The following FADS1 variants were observed in gnomAD, a reference collection of about 807,000 sequenced individuals.
The protein encoded by FADS1 is acyl-CoA (8-3)-desaturase.
A neutral mutation model predicts 61.6 loss-of-function variants in FADS1; 17 were observed. The observed-to-expected ratio is 0.28, with a 90% CI of 0.19 to 0.41. The LOEUF (loss-of-function observed/expected upper bound fraction) is 0.41, where lower values mean the gene tolerates loss of function less well. FADS1 is among the 10% of genes least tolerant of loss of function. The pLI is 1.00. For synonymous variants in FADS1, 238 were observed against 258.7 expected (o/e 0.92, Z 0.77); for missense variants, 387 against 650.9 (o/e 0.59, Z 4.41).
At position 61,806,701 on chromosome 11, in the gene FADS1, A is replaced by G. The variant is rs776271445; in HGVS notation, c.939T>C (p.Tyr313=). The G allele has an allele frequency of 6.2e-7, 1 of 1,614,154 alleles. No individual in the cohort carries two copies. The highest frequency in any genetic ancestry group is 8.5e-7 in the Non-Finnish European group (1 of 1,180,000). The change falls in exon 6 of 12, where the codon TAT becomes TAC. Residue 313 remains tyrosine (Y), a synonymous_variant. Coordinates refer to ENST00000350997, the MANE Select transcript of FADS1 (RefSeq NM_013402.7). ...ATTTGTGCTGGTGGTTGTACGGCAT[A>G]TATTTTTTCTTCTGTTTCCCAAGCT... ...SVELGKQKKK[Y]MPYNHQHKYF...
intron 5 of FADS1, 114 bp downstream of exon 5, chr11:61,810,637 C>T: frequency 7.3e-7 from 1 of 1,379,122 alleles, no homozygotes; most frequent in Non-Finnish European, 1.0e-6. Context: ...AAGCCCCAGC[C>T]AGCCCAGCCC....
rs993807067 is a variant in FADS1 at position 61,799,860 on chromosome 11, T to G, written c.*2551A>C. ...GCAGCTTTTCCTCTCTAAGCCTATT[T>G]TATATCTGTCAGTGGATTTGAGATC... is the stretch of plus-strand genomic sequence containing the variant. On this transcript the variant is annotated 3_prime_UTR_variant, in exon 12 of 12. Coordinates refer to ENST00000350997, the MANE Select transcript of FADS1 (RefSeq NM_013402.7). The G allele has an allele frequency of 1.3e-5, 2 of 152,800 alleles. No individual in the cohort carries two copies. The highest frequency in any genetic ancestry group is 4.8e-5 in the African/African-American group (2 of 41,458). 9.5% of individuals were successfully genotyped at this position (152,800 alleles called of 1,614,324 possible).
chr11:61,813,282 T>C lies in FADS1; in HGVS notation c.447A>G (p.Glu149=), dbSNP rs768048192. The C allele has an allele frequency of 6.2e-7, 1 of 1,612,474 alleles. No individual in the cohort carries two copies. The highest frequency in any genetic ancestry group is 1.1e-5 in the South Asian group (1 of 91,032). ...CAAAGCTGGGCTGCTCTGGAGACAG[T>C]TCTCCAATCAGGAGAGAGTTCATAT... is the stretch of plus-strand genomic sequence containing the variant. ...KKYMNSLLIG[E]LSPEQPSFEP... Residue 149 remains glutamate, a synonymous_variant, in exon 2 of 12, where the codon GAA becomes GAG. Transcript: ENST00000350997.
chr11:61,804,426 A>G (rs996579707), intron 7 of FADS1: 5 of 443,502 alleles, frequency 1.1e-5, no homozygotes, highest in African/African-American at 6.0e-5. Context: ...CCCATTCCCA[A>G]CTCAGCCCCC....
intron 5 of FADS1, among the ~76,000 whole-genome samples, chr11:61,807,963 CT>C (rs2066905247): frequency 6.6e-6 from 1 of 152,194 alleles, no homozygotes; most frequent in African/African-American, 2.4e-5. Flanking sequence ...GTTCTAGATG[CT>C]TAGGATACAG....
rs1288507388 is a variant in FADS1, at chr11:61,811,894, TATTTTTAGTAGA to T, written c.684+565_684+576del. On this transcript the variant is annotated intron_variant, in intron 3 of 11. Transcript: ENST00000350997. ...TGAGCCACTGTGCCTGGCCTTTTTG[TATTTTTAGTAGA>T]GGTTTCACCACGTTGGCCAGGCTGG... is the stretch of plus-strand genomic sequence containing the variant. 6.8e-6 allele frequency: 3 copies of T among 439,152 alleles called. No individual in the cohort carries two copies. The East Asian group carries it at 2.2e-4, about 32-fold the overall frequency. 27.2% of individuals were successfully genotyped at this position (439,152 alleles called of 1,614,324 possible).
In FADS1 at chr11:61,802,179, C is replaced by T. The variant is rs530410253; in HGVS notation, c.*232G>A. On this transcript the variant is annotated 3_prime_UTR_variant, in exon 12 of 12. Coordinates refer to ENST00000350997, the MANE Select transcript of FADS1 (RefSeq NM_013402.7). The surrounding 1 kb of genome is among the most constrained non-coding windows in gnomAD (Gnocchi z 4.2). The stretch of plus-strand genomic sequence containing the variant: ...AACTAGAAAAAGGAAATAATTTACA[C>T]CCCTGCCCCAACAGCTCCTTCCCTC... The T allele has an allele frequency of 8.4e-5, 47 of 560,588 alleles. No homozygotes were observed. Among genetic ancestry groups the T allele is most frequent in the Non-Finnish European group, 1.4e-4 (44 of 312,484 alleles). The allele number at this position is 560,588 out of a possible 1,614,324, so 34.7% of individuals were successfully genotyped here.
intron 1 of FADS1, 39 bp from the exon 2 acceptor site, chr11:61,813,392 G>C: frequency 7.9e-7 from 1 of 1,266,982 alleles, no homozygotes; most frequent in Non-Finnish European, 1.2e-6. Context: ...GAGGGAGCCA[G>C]CCCCCTGGAC....
Position 61,808,164 on chromosome 11 carries a change from C to T in FADS1, c.916-1440G>A, listed in dbSNP as rs548954234. On this transcript the variant is annotated intron_variant, in intron 5 of 11. Coordinates refer to ENST00000350997, the MANE Select transcript of FADS1 (RefSeq NM_013402.7). Reference sequence around the variant, plus strand: ...CAACCTGGGCAACATGGTGAAACCACGTCCCTACTAAAAGCACAAAAATTA... The same window carrying T: ...CAACCTGGGCAACATGGTGAAACCATGTCCCTACTAAAAGCACAAAAATTA... Among the ~76,000 whole-genome samples, 11 of 152,240 alleles carry T rather than the reference C, an allele frequency of 7.2e-5. No individual in the cohort carries two copies. The South Asian group carries it at 1.7e-3, about 23-fold the overall frequency.
At position 61,816,865 on chromosome 11, in the gene FADS1, C is replaced by T; in HGVS notation, c.65G>A (p.Arg22Gln). 12 of 1,478,668 alleles carry T rather than the reference C, an allele frequency of 8.1e-6. No individual in the cohort carries two copies. The highest frequency in any genetic ancestry group is 9.8e-6 in the Non-Finnish European group (11 of 1,125,498). The allele number at this position is 1,478,668 out of a possible 1,614,324, so 91.6% of individuals were successfully genotyped here. The change falls in exon 1 of 12, where the codon CGG becomes CAG. Residue 22 changes from arginine (R) to glutamine (Q), a missense_variant. By Grantham distance (43) the Arg-to-Gln change is conservative (BLOSUM62 1). Transcript: ENST00000350997. This position sits in a 1 kb window ranked among gnomAD's most constrained non-coding sequence, Gnocchi z 7.0. The part of the protein sequence containing the change: ...PCGAENPARR[R>Q]LALGARQQIH... ...TTGCTGGCGCGCGCCCAGAGCCAGC[C>T]GCCTGCGCGCCGGGTTTTCAGCACC... is the stretch of plus-strand genomic sequence containing the variant.
chr11:61,805,096 C>A (rs769552522), intron 6 of FADS1: 1 of 451,588 alleles, frequency 2.2e-6, no homozygotes, highest in Non-Finnish European at 3.9e-6. Flanking sequence ...TTTCATTTTT[C>A]TTCTCTTTTC....
chr11:61,816,651 T>G lies in FADS1; in HGVS notation c.279A>C (p.Leu93=). The G allele has an allele frequency of 6.2e-7, 1 of 1,602,158 alleles. No homozygotes were observed. Among genetic ancestry groups the G allele is most frequent in the Non-Finnish European group, 8.5e-7 (1 of 1,175,230 alleles). ...TGTTGTACACCTTACGGTCGATCAC[T>G]AGCCACCGCTCCTCGCACCCTGAGC... is the stretch of plus-strand genomic sequence containing the variant. The part of the protein sequence containing the change: ...AQRSGCEERW[L]VIDRKVYNIS... Residue 93 remains leucine, a synonymous_variant, in exon 1 of 12, where the codon CTA becomes CTC. Coordinates refer to ENST00000350997, the MANE Select transcript of FADS1 (RefSeq NM_013402.7). This position sits in a 1 kb window ranked among gnomAD's most constrained non-coding sequence, Gnocchi z 7.0.
At chr11:61,807,268 A>G (rs1206195221) in intron 5 of FADS1, among the ~76,000 whole-genome samples, 1 of 151,990 alleles carries the variant, frequency 6.6e-6, no homozygotes, top group Admixed American at 6.5e-5. Context: ...GGGTTTCTCC[A>G]TGTTGTTCAG....
At position 61,803,005 on chromosome 11, in the gene FADS1, C is replaced by T. The variant is rs1317112778; in HGVS notation, c.1328+27G>A. 2 of 1,613,798 alleles carry T rather than the reference C, an allele frequency of 1.2e-6. No individual in the cohort carries two copies. On this transcript the variant is annotated intron_variant, in intron 10 of 11. Coordinates refer to ENST00000350997, the MANE Select transcript of FADS1 (RefSeq NM_013402.7). This position sits in a 1 kb window ranked among gnomAD's most constrained non-coding sequence, Gnocchi z 4.3. ...CCCAACACTTACACCCTCCCCAGGACCCTGCTTCCCCAGGCTCCCTACTCA... is the reference window on the plus strand; with the variant it reads ...CCCAACACTTACACCCTCCCCAGGATCCTGCTTCCCCAGGCTCCCTACTCA...
chr11:61,810,805 T>TG lies in FADS1; in HGVS notation c.860dup (p.Asp288ArgfsTer118). On this transcript the variant is annotated frameshift_variant, in exon 5 of 12. Transcript: ENST00000350997. LOFTEE classifies it high-confidence loss of function. ...AGAAGAAGGGATGCATGTTGATGTC[T>TG]GGGTCTTTGCGGAAGCAGTTGGGCT... The TG allele has an allele frequency of 6.2e-7, 1 of 1,614,204 alleles. No homozygotes were observed. Among genetic ancestry groups the TG allele is most frequent in the South Asian group, 1.1e-5 (1 of 91,084 alleles).
At chr11:61,807,226 G>A (rs2066900338) in intron 5 of FADS1, among the ~76,000 whole-genome samples, 3 of 152,242 alleles carry the variant, frequency 2.0e-5, no homozygotes, top group South Asian at 2.1e-4. Context: ...GTGCCTCCAC[G>A]CCCAGCTAAT....
chr11:61,803,062 C>T lies in FADS1; in HGVS notation c.1298G>A (p.Ser433Asn). Reference protein sequence around the residue: ...VHKSAFNDWFSGHLNFQIEHH... With the variant: ...VHKSAFNDWFNGHLNFQIEHH... ...CTCAATCTGGAAGTTGAGGTGTCCA[C>T]TGAACCAGTCATTGAAGGCAGACTT... is the stretch of plus-strand genomic sequence containing the variant. The change falls in exon 10 of 12, where the codon AGT becomes AAT. Residue 433 changes from serine (S) to asparagine (N), a missense_variant. Transcript: ENST00000350997. This position sits in a 1 kb window ranked among gnomAD's most constrained non-coding sequence, Gnocchi z 4.3. 2 of 1,614,188 alleles carry T rather than the reference C, an allele frequency of 1.2e-6. No individual in the cohort carries two copies. Among genetic ancestry groups the T allele is most frequent in the Non-Finnish European group, 1.7e-6 (2 of 1,180,040 alleles).
chr11:61,802,712 C>A lies in FADS1; in HGVS notation c.1454+89G>T. On this transcript the variant is annotated intron_variant, in intron 11 of 11. Coordinates refer to ENST00000350997, the MANE Select transcript of FADS1 (RefSeq NM_013402.7). This position sits in a 1 kb window ranked among gnomAD's most constrained non-coding sequence, Gnocchi z 4.2. ...CATCCCACACGACTGGGAACACCTT[C>A]TGTTCACTCCCCACCCTACATGTCA... The A allele has an allele frequency of 6.4e-7, 1 of 1,565,930 alleles. No individual in the cohort carries two copies.
At position 61,816,053 on chromosome 11, in the gene FADS1, G is replaced by A; in HGVS notation, c.375+502C>T. ...CCGTTTCAGCCCCATCCTCGAGAAT[G>A]GGCTCCTTTCCTGCTCCCTCTCCGC... On this transcript the variant is annotated intron_variant, in intron 1 of 11. Transcript: ENST00000350997. This position sits in a 1 kb window ranked among gnomAD's most constrained non-coding sequence, Gnocchi z 7.0. The A allele has an allele frequency of 3.4e-6, 2 of 580,586 alleles. No individual in the cohort carries two copies. Among genetic ancestry groups the A allele is most frequent in the Non-Finnish European group, 6.1e-6 (2 of 327,712 alleles). The allele number at this position is 580,586 out of a possible 1,614,324, so 36.0% of individuals were successfully genotyped here. A position where few individuals can be genotyped will look rare whatever the true frequency, so the allele number is the denominator to read the frequency against.
Sources: allele counts gnomAD v4.1 joint callset (sites outside exome capture counted in the v4.1 genomes callset), GRCh38; gene constraint gnomAD v4.1.1; non-coding constraint Gnocchi (gnomAD v3.1); transcripts MANE v1.5; gene names NCBI Gene and HGNC (gene_info 2026-07-23, HGNC 2026-07-21).